ELL2: variants seen among roughly 807,000 people sequenced by gnomAD.
The protein encoded by ELL2 is RNA polymerase II elongation factor ELL2.
Under a neutral mutation model 72.8 loss-of-function variants are expected in ELL2, and 21 were observed. The ratio of observed to expected loss-of-function variants is 0.29; its 90% CI spans 0.20 to 0.42. ELL2 has a LOEUF of 0.42. ELL2 is among the 10% of genes least tolerant of loss of function. The pLI is 1.00. For synonymous variants in ELL2, 266 were observed against 283.2 expected, an observed-to-expected ratio of 0.94 and a Z score of 0.61; for missense variants, 568 against 772.8, an observed-to-expected ratio of 0.73 and a Z score of 3.14.
chr5:95,945,955 G>A (rs1751141596), intron 1 of ELL2, among the ~76,000 whole-genome samples: 1 of 152,152 alleles, frequency 6.6e-6, no homozygotes, highest in Admixed American at 6.5e-5. Flanking sequence ...GGATGACTCT[G>A]TCCAAAAAGT....
intron 2 of ELL2, among the ~76,000 whole-genome samples, chr5:95,929,787 A>T (rs1750529705): frequency 6.6e-6 from 1 of 151,304 alleles, no homozygotes; most frequent in Non-Finnish European, 1.5e-5. Context: ...AGGGTAAAAA[A>T]AAAAAAACAA....
chr5:95,943,997 A>G (rs17085321), intron 1 of ELL2, among the ~76,000 whole-genome samples: 2,877 of 152,300 alleles, frequency 0.019, 86 homozygotes, highest in African/African-American at 0.065. Context: ...ATCAGCCTAT[A>G]AACTATTCAC....
Position 95,891,214 on chromosome 5 carries a change from T to C in ELL2, c.1650A>G (p.Ala550=). ...QRQNYKDDFN[A]EYDEYRALHA... ...GCAAAGCTCTGTACTCATCATACTC[T>C]GCATTGAAGTCATCCTTATAATTCT... The change falls in exon 10 of 12, where the codon GCA becomes GCG. Residue 550 remains alanine (A), a synonymous_variant. Transcript: ENST00000237853. The C allele has an allele frequency of 6.2e-7, 1 of 1,614,206 alleles. No homozygotes were observed. The highest frequency in any genetic ancestry group is 8.5e-7 in the Non-Finnish European group (1 of 1,180,028).
At chr5:95,946,537 T>C (rs899084146) in intron 1 of ELL2, among the ~76,000 whole-genome samples, 11 of 152,190 alleles carry the variant, frequency 7.2e-5, no homozygotes, top group Admixed American at 3.9e-4. Flanking sequence ...ACCTCTCTCA[T>C]ATACCACTGT....
At position 95,885,678 on chromosome 5, in the gene ELL2, C is replaced by T. The variant is rs769849019; in HGVS notation, c.*3193G>A. On this transcript the variant is annotated 3_prime_UTR_variant, in exon 12 of 12. Coordinates refer to ENST00000237853, the MANE Select transcript of ELL2 (RefSeq NM_012081.6). ...CAACATCTTCCAATATGCAAGCAGG[C>T]ATTTGTTTTACATAAGGTGAAACAC... 2 of 152,136 alleles carry T rather than the reference C, an allele frequency of 1.3e-5. No individual in the cohort carries two copies. Among genetic ancestry groups the T allele is most frequent in the African/African-American group, 4.8e-5 (2 of 41,436 alleles). 9.4% of individuals were successfully genotyped at this position (152,136 alleles called of 1,614,324 possible).
chr5:95,952,025 T>G (rs1244787782), intron 1 of ELL2, among the ~76,000 whole-genome samples: 1 of 152,174 alleles, frequency 6.6e-6, no homozygotes, highest in African/African-American at 2.4e-5. Context: ...GAGTTATTTT[T>G]AGAAACAGCG....
At chr5:95,948,498 A>G (rs1179977086) in intron 1 of ELL2, among the ~76,000 whole-genome samples, 1 of 147,194 alleles carries the variant, frequency 6.8e-6, no homozygotes, top group Non-Finnish European at 1.5e-5. Context: ...TTTGTATCTG[A>G]TCACTCACTG....
chr5:95,895,607 T>C (rs186261874), intron 9 of ELL2, 21 bp downstream of exon 9: 204 of 1,609,070 alleles, frequency 1.3e-4, no homozygotes, highest in African/African-American at 9.1e-4. Flanking sequence ...GCTCTCTCCA[T>C]TGGCAGACAT....
chr5:95,890,972 A>T, intron 10 of ELL2, 131 bp downstream of exon 10: 1 of 1,011,876 alleles, frequency 9.9e-7, no homozygotes, highest in Non-Finnish European at 1.5e-6. Context: ...TTAGTTTCCT[A>T]AAGCAGCAGC....
At chr5:95,907,297 T>TTTTTCTC (rs1749409726) in intron 4 of ELL2, among the ~76,000 whole-genome samples, 1 of 79,964 alleles carries the variant, frequency 1.3e-5, no homozygotes, top group African/African-American at 7.4e-5. Flanking sequence ...TATATATATA[T>TTTTTCTC]TTTTTTTTTT....
chr5:95,922,211 C>T (rs1233665108), intron 2 of ELL2, among the ~76,000 whole-genome samples: 4 of 152,126 alleles, frequency 2.6e-5, no homozygotes, highest in Admixed American at 2.0e-4. Context: ...TACAGGCACC[C>T]GCCACCACGC....
At chr5:95,909,097 T>A (rs138085559) in intron 4 of ELL2, among the ~76,000 whole-genome samples, 1 of 152,320 alleles carries the variant, frequency 6.6e-6, no homozygotes, top group African/African-American at 2.4e-5. Flanking sequence ...TTTATCCCCA[T>A]GCTTCCCCAA....
chr5:95,951,982 T>A (rs756542288), intron 1 of ELL2, among the ~76,000 whole-genome samples: 4 of 152,196 alleles, frequency 2.6e-5, no homozygotes, highest in African/African-American at 4.8e-5. Flanking sequence ...TAGGGAACAC[T>A]TAGGTAGATA....
chr5:95,942,389 A>G (rs1459529517), intron 2 of ELL2, among the ~76,000 whole-genome samples: 1 of 152,130 alleles, frequency 6.6e-6, no homozygotes, highest in Non-Finnish European at 1.5e-5. Flanking sequence ...ATGAAATATT[A>G]ATAGTAATAA....
At chr5:95,927,372 CACACACACACGTGTGTATATATAG>C (rs1750326487) in intron 2 of ELL2, among the ~76,000 whole-genome samples, 1 of 71,250 alleles carries the variant, frequency 1.4e-5, no homozygotes, top group Non-Finnish European at 2.5e-5. Flanking sequence ...TATAGACATA[CACACACACACGTGTGTATATATAG>C]ACATACACAC....
intron 1 of ELL2, among the ~76,000 whole-genome samples, chr5:95,953,359 G>A (rs1212222476): frequency 3.3e-5 from 5 of 152,190 alleles, no homozygotes; most frequent in African/African-American, 1.2e-4. Flanking sequence ...AACATCTTAA[G>A]ATACTCAGCT....
intron 4 of ELL2, 154 bp downstream of exon 4, chr5:95,913,617 G>C: frequency 1.3e-6 from 1 of 790,268 alleles, no homozygotes; most frequent in East Asian, 3.0e-5. Flanking sequence ...AGTCTGAAGA[G>C]AACAAATAAC....
At chr5:95,950,093 T>G (rs927709570) in intron 1 of ELL2, among the ~76,000 whole-genome samples, 1 of 152,212 alleles carries the variant, frequency 6.6e-6, no homozygotes, top group African/African-American at 2.4e-5. Flanking sequence ...AGCCAGAGAA[T>G]TAAGAATCAC....
In ELL2 at chr5:95,906,653, C is replaced by G. The variant is rs1749372271; in HGVS notation, c.611G>C (p.Arg204Thr). The change falls in exon 5 of 12, where the codon AGG (arginine) becomes ACG (threonine). Residue 204 changes from arginine (R) to threonine (T), a missense_variant. Physicochemically the swap from Arg to Thr is moderately conservative, Grantham distance 71. This residue lies in a region of ELL2 where 511 missense variants were observed against 728.4 expected (regional missense o/e 0.70). Transcript: ENST00000237853. ...KTHSSSTISQ[R>T]PYRDRVIHLL... ...GTGAATCACCCTGTCCCTGTATGGCCTCTGAGAGATGGTGCTGCTGCTATG... is the reference window on the plus strand; with the variant it reads ...GTGAATCACCCTGTCCCTGTATGGCGTCTGAGAGATGGTGCTGCTGCTATG... 6.2e-7 allele frequency: 1 copy of G among 1,613,970 alleles called. No individual in the cohort carries two copies. The highest frequency in any genetic ancestry group is 1.7e-5 in the Admixed American group (1 of 59,990).
Sources: allele counts gnomAD v4.1 joint callset (sites outside exome capture counted in the v4.1 genomes callset), GRCh38; gene constraint gnomAD v4.1.1; regional missense constraint gnomAD v4.1.1; transcripts MANE v1.5; gene names NCBI Gene and HGNC (gene_info 2026-07-23, HGNC 2026-07-21).